FOXP1: variants seen among roughly 807,000 people sequenced by gnomAD.
The protein encoded by FOXP1 is forkhead box protein P1.
In FOXP1, 15 loss-of-function variants were observed where a neutral mutation model predicts 98.2. That is an observed-to-expected ratio of 0.15 (90% CI 0.10 to 0.24). The LOEUF is 0.24. Among genes scored for constraint, FOXP1 ranks in the 10% least tolerant of loss-of-function variants. The probability of loss-of-function intolerance (pLI) is 1.00; values close to 1 mark genes in which losing one functional copy is unlikely to be tolerated. For missense variants in FOXP1, 633 were observed against 848.5 expected, an observed-to-expected ratio of 0.75 and a Z score of 3.15; for synonymous variants, 371 against 314.5, an observed-to-expected ratio of 1.18 and a Z score of -1.90.
In FOXP1 at chr3:71,078,819, T is replaced by C. The variant is rs147790821; in HGVS notation, c.283-25046A>G. ...CAGGAAGACTGCAGCCCAGACTTCA[T>C]TGGAGCCACTAGTCATAAATAGTGG... On this transcript the variant is annotated intron_variant, in intron 7 of 20. Transcript: ENST00000649528. 5.7e-3 allele frequency among the ~76,000 whole-genome samples: 865 copies of C among 152,196 alleles called. 7 individuals carry two copies. Among genetic ancestry groups the C allele is most frequent in the African/African-American group, 0.02 (823 of 41,500 alleles).
intron 4 of FOXP1, among the ~76,000 whole-genome samples, chr3:71,342,389 G>C (rs1250440591): frequency 6.6e-6 from 1 of 152,034 alleles, no homozygotes; most frequent in Non-Finnish European, 1.5e-5. Flanking sequence ...AAGCAAACAG[G>C]CCGCACATAG....
chr3:71,133,243 C>A (rs762116139), intron 6 of FOXP1, among the ~76,000 whole-genome samples: 1 of 152,158 alleles, frequency 6.6e-6, no homozygotes, highest in Non-Finnish European at 1.5e-5. Flanking sequence ...AAATCTGACA[C>A]GTATAAAGAC....
At chr3:71,547,337 T>C (rs1333688375) in intron 2 of FOXP1, among the ~76,000 whole-genome samples, 1 of 152,112 alleles carries the variant, frequency 6.6e-6, no homozygotes, top group Non-Finnish European at 1.5e-5. Context: ...AGCAGGTTTG[T>C]GGAAACCCAG....
Position 71,065,861 on chromosome 3 carries a change from C to T in FOXP1, c.283-12088G>A, listed in dbSNP as rs953390334. ...GTTTTTTTAAAAAGTCAACAATGTG[C>T]TAAACTTTGTTGGCTCAACTGACAC... On this transcript the variant is annotated intron_variant, in intron 7 of 20. Transcript: ENST00000649528. 3 of 151,966 alleles carry T rather than the reference C, an allele frequency of 2.0e-5. No homozygotes were observed. The South Asian group carries it at 6.2e-4, about 32-fold the overall frequency. 9.4% of individuals were successfully genotyped at this position (151,966 alleles called of 1,614,324 possible). A position where few individuals can be genotyped will look rare whatever the true frequency, so the allele number is the denominator to read the frequency against.
chr3:71,395,844 T>C (rs746731109), intron 3 of FOXP1, among the ~76,000 whole-genome samples: 2 of 152,048 alleles, frequency 1.3e-5, no homozygotes, highest in Non-Finnish European at 2.9e-5. Flanking sequence ...ATATGGTCAA[T>C]GTTGCGCAAA....
intron 3 of FOXP1, among the ~76,000 whole-genome samples, chr3:71,379,217 A>G (rs831073): frequency 0.29 from 43,332 of 151,904 alleles, 8,132 homozygotes; most frequent in East Asian, 0.77. Flanking sequence ...ACAACTGGGT[A>G]GAACAAGCAG....
chr3:71,216,133 A>G (rs570805716), intron 5 of FOXP1, among the ~76,000 whole-genome samples: 4 of 152,096 alleles, frequency 2.6e-5, no homozygotes, highest in East Asian at 1.9e-4. Context: ...ATCACTGACA[A>G]CTCCCACCCC....
intron 5 of FOXP1, among the ~76,000 whole-genome samples, chr3:71,291,965 A>G (rs1233363897): frequency 6.6e-6 from 1 of 152,142 alleles, no homozygotes; most frequent in Non-Finnish European, 1.5e-5. Context: ...TCGGCCTCCC[A>G]AAGTGCTGGG....
intron 5 of FOXP1, among the ~76,000 whole-genome samples, chr3:71,282,889 T>A (rs1028796320): frequency 4.6e-5 from 7 of 152,300 alleles, no homozygotes; most frequent in Admixed American, 4.6e-4. Context: ...GGAGACATGC[T>A]AGTACCAAAC....
chr3:70,971,977 GAAAAAA>G, intron 18 of FOXP1: 1 of 1,171,336 alleles, frequency 8.5e-7, no homozygotes, highest in South Asian at 2.3e-5. Context: ...AGCAACAGCA[GAAAAAA>G]AAAACAAAAG....
intron 3 of FOXP1, among the ~76,000 whole-genome samples, chr3:71,405,035 C>T (rs531528664): frequency 6.6e-6 from 1 of 152,204 alleles, no homozygotes. Flanking sequence ...TGTGAAATAC[C>T]TCCAAAGGCA....
intron 14 of FOXP1, among the ~76,000 whole-genome samples, chr3:70,980,816 T>C (rs1236250072): frequency 2.0e-5 from 3 of 152,098 alleles, no homozygotes; most frequent in South Asian, 2.1e-4. Context: ...ATCAAACACA[T>C]ACGTCAGTCA....
intron 4 of FOXP1, among the ~76,000 whole-genome samples, chr3:71,326,461 T>G (rs2075697455): frequency 6.6e-6 from 1 of 152,170 alleles, no homozygotes; most frequent in South Asian, 2.1e-4. Flanking sequence ...AAACTCCTGG[T>G]GACAACTTGA....
At chr3:71,223,280 C>T (rs1487595966) in intron 5 of FOXP1, among the ~76,000 whole-genome samples, 1 of 152,224 alleles carries the variant, frequency 6.6e-6, no homozygotes, top group Non-Finnish European at 1.5e-5. Flanking sequence ...TCCAAACATA[C>T]CTTACTCTTT....
chr3:71,465,324 AAAGAAG>A (rs398052612), intron 3 of FOXP1, among the ~76,000 whole-genome samples: 729 of 67,570 alleles, frequency 0.011, 14 homozygotes, highest in African/African-American at 0.012. Flanking sequence ...AAAAAAAAAA[AAAGAAG>A]AAGAAGAAGA....
rs1157228157 is a variant in FOXP1, at chr3:71,481,451, G to A, written c.-168+11975C>T. On this transcript the variant is annotated intron_variant, in intron 3 of 20. Coordinates refer to ENST00000649528, the MANE Select transcript of FOXP1 (RefSeq NM_001349338.3). ...GTTCTACATCTTAACTTGGATCCTG[G>A]AATGCATTTATTTTTCACTTAACAA... 2.6e-5 allele frequency among the ~76,000 whole-genome samples: 4 copies of A among 152,084 alleles called. No individual in the cohort carries two copies. The East Asian group carries it at 5.8e-4, about 22-fold the overall frequency.
intron 3 of FOXP1, among the ~76,000 whole-genome samples, chr3:71,444,874 G>A (rs1332569409): frequency 1.3e-5 from 2 of 152,154 alleles, no homozygotes; most frequent in African/African-American, 2.4e-5. Flanking sequence ...CAAGGGATTG[G>A]GGGGAGTGGG....
chr3:71,235,030 T>C (rs1052036239), intron 5 of FOXP1, among the ~76,000 whole-genome samples: 2 of 152,160 alleles, frequency 1.3e-5, no homozygotes, highest in South Asian at 2.1e-4. Flanking sequence ...AAAAGTAAAG[T>C]GAGATAATAT....
chr3:71,256,266 A>T (rs1312511986), intron 5 of FOXP1, among the ~76,000 whole-genome samples: 1 of 152,194 alleles, frequency 6.6e-6, no homozygotes, highest in African/African-American at 2.4e-5. Flanking sequence ...CCAGAGAGGA[A>T]ACTGCGCCTC....
Sources: allele counts gnomAD v4.1 joint callset (sites outside exome capture counted in the v4.1 genomes callset), GRCh38; gene constraint gnomAD v4.1.1; transcripts MANE v1.5; gene names NCBI Gene and HGNC (gene_info 2026-07-23, HGNC 2026-07-21).